Variants in LOC128462377 observed in about 807,000 individuals in gnomAD.
the LOC128462377 span, among the ~76,000 whole-genome samples, chr16:89,375,761 C>T: frequency 2.4e-5 from 3 of 127,192 alleles, no homozygotes; most frequent in East Asian, 2.3e-4. Context: ...CAGCCGACTC[C>T]GTCTCTTAAA....
At chr16:89,393,090 G>A in the LOC128462377 span, among the ~76,000 whole-genome samples, 3 of 151,918 alleles carry the variant, frequency 2.0e-5, no homozygotes, top group South Asian at 2.1e-4. Flanking sequence ...CAGGAAACAC[G>A]GTCTCCCTCC....
At chr16:89,345,897 G>T in the LOC128462377 span, among the ~76,000 whole-genome samples, 1 of 152,144 alleles carries the variant, frequency 6.6e-6, no homozygotes, top group Non-Finnish European at 1.5e-5. Flanking sequence ...TCACAAGAGA[G>T]CTAAGACGGT....
chr16:89,415,954 C>G, the LOC128462377 span, among the ~76,000 whole-genome samples: 1 of 151,970 alleles, frequency 6.6e-6, no homozygotes, highest in African/African-American at 2.4e-5. Flanking sequence ...TCAGCAGGGC[C>G]TCTCTGTAGC....
At chr16:89,335,211 G>C in the LOC128462377 span, among the ~76,000 whole-genome samples, 2 of 152,134 alleles carry the variant, frequency 1.3e-5, no homozygotes, top group African/African-American at 4.8e-5. Flanking sequence ...CCATTGTCCT[G>C]GCGTTCCATG....
the LOC128462377 span, among the ~76,000 whole-genome samples, chr16:89,353,065 C>A: frequency 6.6e-6 from 1 of 152,204 alleles, no homozygotes; most frequent in Non-Finnish European, 1.5e-5. Flanking sequence ...TAGGGCTGGG[C>A]GCGGTGGCTC....
chr16:89,351,110 C>T, the LOC128462377 span, among the ~76,000 whole-genome samples: 1 of 152,218 alleles, frequency 6.6e-6, no homozygotes, highest in Non-Finnish European at 1.5e-5. Flanking sequence ...CTCAAAGAAG[C>T]TCTCAGAGAG....
At chr16:89,355,483 T>G in the LOC128462377 span, among the ~76,000 whole-genome samples, 1 of 152,118 alleles carries the variant, frequency 6.6e-6, no homozygotes, top group Non-Finnish European at 1.5e-5. Flanking sequence ...TCAAAGCCAT[T>G]TCAAAGTGCT....
the LOC128462377 span, among the ~76,000 whole-genome samples, chr16:89,323,604 C>G: frequency 0.03 from 1,087 of 35,670 alleles, 147 homozygotes; most frequent in African/African-American, 0.062. Context: ...GGGCTGAGCC[C>G]GGGGCAGGGG....
chr16:89,372,903 C>T, the LOC128462377 span: 3 of 152,230 alleles, frequency 2.0e-5, no homozygotes, highest in Non-Finnish European at 2.9e-5. Context: ...CGGAAGCTCC[C>T]GGGTGACCCA....
At chr16:89,413,249 G>C in the LOC128462377 span, among the ~76,000 whole-genome samples, 1 of 152,182 alleles carries the variant, frequency 6.6e-6, no homozygotes, top group Non-Finnish European at 1.5e-5. Flanking sequence ...TATTTATCTT[G>C]GCATAATTAC....
At chr16:89,402,636 T>TG in the LOC128462377 span, among the ~76,000 whole-genome samples, 49 of 36,574 alleles carry the variant, frequency 1.3e-3, no homozygotes, top group East Asian at 0.016. Context: ...GAGCTGTGGG[T>TG]GGGGGGGGCA....
the LOC128462377 span, among the ~76,000 whole-genome samples, chr16:89,385,200 G>A: frequency 6.9e-6 from 1 of 145,270 alleles, no homozygotes; most frequent in African/African-American, 2.6e-5. Context: ...TTTTTTGTTT[G>A]TTTGTTTGAG....
At chr16:89,354,486 AG>A in the LOC128462377 span, among the ~76,000 whole-genome samples, 1 of 152,222 alleles carries the variant, frequency 6.6e-6, no homozygotes, top group Non-Finnish European at 1.5e-5. Flanking sequence ...AATGTCACAG[AG>A]GGCAGAGGGC....
chr16:89,393,548 C>G, the LOC128462377 span, among the ~76,000 whole-genome samples: 1 of 150,568 alleles, frequency 6.6e-6, no homozygotes, highest in African/African-American at 2.5e-5. Flanking sequence ...ACCATGTTGC[C>G]CAGGCTGGTC....
the LOC128462377 span, among the ~76,000 whole-genome samples, chr16:89,379,707 T>A: frequency 3.3e-5 from 5 of 152,248 alleles, no homozygotes; most frequent in African/African-American, 1.2e-4. Flanking sequence ...AAGAGCTCCG[T>A]GCAGTGCACG....
At chr16:89,416,609 A>C in the LOC128462377 span, among the ~76,000 whole-genome samples, 1 of 151,404 alleles carries the variant, frequency 6.6e-6, no homozygotes, top group African/African-American at 2.4e-5. Context: ...CTAATTGCTG[A>C]TTAATAATTT....
the LOC128462377 span, among the ~76,000 whole-genome samples, chr16:89,334,144 T>TAAAAAAAAAAAAAA: frequency 6.0e-4 from 25 of 41,414 alleles, 5 homozygotes; most frequent in African/African-American, 2.3e-3. Flanking sequence ...CCCTGTGTTT[T>TAAAAAAAAAAAAAA]AAAAAAAAAA....
chr16:89,327,069 G>GAATGCAGAAGTTGGA, the LOC128462377 span, among the ~76,000 whole-genome samples: 3 of 39,022 alleles, frequency 7.7e-5, no homozygotes, highest in African/African-American at 3.2e-4. Flanking sequence ...CAGAGGTGGG[G>GAATGCAGAAGTTGGA]AATGCAGAGG....
the LOC128462377 span, among the ~76,000 whole-genome samples, chr16:89,406,901 G>A: frequency 2.6e-5 from 4 of 152,198 alleles, no homozygotes; most frequent in Non-Finnish European, 5.9e-5. Flanking sequence ...ACATCAGGCC[G>A]GACGTGGTGG....
Sources: gnomAD v4.1 joint callset for allele counts (sites outside exome capture counted in the v4.1 genomes callset) on GRCh38, gnomAD v4.1.1 for gene constraint, MANE v1.5 for transcripts.